Variants in SLC14A2 observed in about 807,000 individuals in gnomAD.
SLC14A2 encodes the protein solute carrier family 14 member 2.
A neutral mutation model predicts 104.6 loss-of-function variants in SLC14A2; 91 were observed. The observed-to-expected ratio is 0.87, with a 90% CI of 0.73 to 1.04. The LOEUF is 1.04. Among genes scored for constraint, SLC14A2 ranks in the 50% least tolerant of loss-of-function variants. The probability of loss-of-function intolerance (pLI) is 0.00; values close to 1 mark genes in which losing one functional copy is unlikely to be tolerated. For missense variants in SLC14A2, 1,189 were observed against 1,156.0 expected, an observed-to-expected ratio of 1.03 and a Z score of -0.41; for synonymous variants, 476 against 466.4, an observed-to-expected ratio of 1.02 and a Z score of -0.27.
At chr18:45,549,167 C>T (rs936799326) in intron 2 of SLC14A2, among the ~76,000 whole-genome samples, 9 of 152,232 alleles carry the variant, frequency 5.9e-5, no homozygotes, top group African/African-American at 2.2e-4. Context: ...CACAAGGGGC[C>T]TCACCATTCC....
chr18:45,590,003 T>C (rs2044625041), intron 2 of SLC14A2, among the ~76,000 whole-genome samples: 2 of 152,174 alleles, frequency 1.3e-5, no homozygotes, highest in Admixed American at 1.3e-4. Context: ...GTCGCCATCA[T>C]TCCTCTCCCA....
Position 45,258,307 on chromosome 18 carries a change from C to A in SLC14A2, c.-125+45116C>A, listed in dbSNP as rs2084501396. Reference sequence around the variant, plus strand: ...CATAGTGCCCAGGAGCCTACCATAACCCAGGAGCACAGATGCCCAGAAGTG... The same window carrying A: ...CATAGTGCCCAGGAGCCTACCATAAACCAGGAGCACAGATGCCCAGAAGTG... On this transcript the variant is annotated intron_variant, in intron 1 of 20. Coordinates refer to the SLC14A2 transcript ENST00000586448. Among the ~76,000 whole-genome samples the A allele has an allele frequency of 1.4e-5, 2 of 142,272 alleles. 1 individual carries two copies. Among genetic ancestry groups the A allele is most frequent in the Non-Finnish European group, 3.1e-5 (2 of 65,532 alleles). The allele number at this position is 142,272 out of a possible 152,430, so 93.3% of individuals were successfully genotyped here. A position where few individuals can be genotyped will look rare whatever the true frequency, so the allele number is the denominator to read the frequency against.
At chr18:45,404,786 C>T (rs2086135344) in intron 1 of SLC14A2, among the ~76,000 whole-genome samples, 1 of 152,188 alleles carries the variant, frequency 6.6e-6, no homozygotes, top group African/African-American at 2.4e-5. Flanking sequence ...TATGCTTTAA[C>T]CAGTCTTCTG....
intron 1 of SLC14A2, among the ~76,000 whole-genome samples, chr18:45,446,088 G>T (rs1369668156): frequency 1.3e-5 from 2 of 152,182 alleles, no homozygotes; most frequent in African/African-American, 4.8e-5. Context: ...TTTACCTCTT[G>T]CTGTCACCAT....
intron 1 of SLC14A2, among the ~76,000 whole-genome samples, chr18:45,221,249 C>T (rs2084059258): frequency 6.6e-6 from 1 of 152,200 alleles, no homozygotes; most frequent in Admixed American, 6.5e-5. Context: ...TGTCTTTGCT[C>T]TTGTCTTTCA....
chr18:45,477,382 A>G (rs900293983), intron 1 of SLC14A2, among the ~76,000 whole-genome samples: 3 of 152,134 alleles, frequency 2.0e-5, no homozygotes, highest in Non-Finnish European at 4.4e-5. Flanking sequence ...TACCCACAAG[A>G]TGCCAGCCGG....
intron 1 of SLC14A2, among the ~76,000 whole-genome samples, chr18:45,317,280 G>A (rs112879433): frequency 4.6e-5 from 7 of 152,258 alleles, no homozygotes; most frequent in African/African-American, 1.4e-4. Flanking sequence ...GTGCACACAC[G>A]CACATTATAT....
At chr18:45,626,305 CTTTCCT>C (rs2045256536) in intron 3 of SLC14A2, among the ~76,000 whole-genome samples, 1 of 152,138 alleles carries the variant, frequency 6.6e-6, no homozygotes, top group Non-Finnish European at 1.5e-5. Context: ...CTTCAGGATT[CTTTCCT>C]TTTAACTTCT....
At chr18:45,460,024 A>G (rs1020737317) in intron 1 of SLC14A2, among the ~76,000 whole-genome samples, 6 of 152,170 alleles carry the variant, frequency 3.9e-5, no homozygotes, top group African/African-American at 1.4e-4. Context: ...GTCAGCACCC[A>G]ATATCCCGGA....
chr18:45,587,427 T>TA (rs2144376486), intron 2 of SLC14A2, among the ~76,000 whole-genome samples: 1 of 152,344 alleles, frequency 6.6e-6, no homozygotes, highest in South Asian at 2.1e-4. Flanking sequence ...GGCATATGGT[T>TA]AAAAAATATC....
At chr18:45,196,712 CT>C in the SLC14A2 span, among the ~76,000 whole-genome samples, 9 of 152,296 alleles carry the variant, frequency 5.9e-5, no homozygotes, top group Admixed American at 4.6e-4. Flanking sequence ...TGTGTCTTCC[CT>C]CAACAGCAAT....
chr18:45,665,688 C>CTTTCTTTTTTT (rs371437384), intron 11 of SLC14A2, among the ~76,000 whole-genome samples: 1 of 79,294 alleles, frequency 1.3e-5, no homozygotes, highest in African/African-American at 5.5e-5. Context: ...AACCAAGTTT[C>CTTTCTTTTTTT]TTTTTTTTTT....
intron 1 of SLC14A2, among the ~76,000 whole-genome samples, chr18:45,357,236 A>AG (rs1772889150): frequency 8.3e-6 from 1 of 119,946 alleles, no homozygotes; most frequent in East Asian, 2.0e-4. Flanking sequence ...CTTGGGACAC[A>AG]ATTTTTTTTT....
intron 1 of SLC14A2, among the ~76,000 whole-genome samples, chr18:45,397,858 T>C (rs1006979429): frequency 6.6e-6 from 1 of 152,126 alleles, no homozygotes; most frequent in African/African-American, 2.4e-5. Flanking sequence ...CGAGAAAATT[T>C]AATAAATTAT....
intron 1 of SLC14A2, among the ~76,000 whole-genome samples, chr18:45,296,913 A>T (rs957020857): frequency 3.3e-5 from 5 of 151,910 alleles, no homozygotes; most frequent in Non-Finnish European, 7.4e-5. Flanking sequence ...TGTTTCCTTT[A>T]TGCCTCTTTG....
chr18:45,351,979 G>A (rs1340266902), intron 1 of SLC14A2, among the ~76,000 whole-genome samples: 1 of 152,160 alleles, frequency 6.6e-6, no homozygotes, highest in African/African-American at 2.4e-5. Context: ...CAGATATTAG[G>A]TCAATGTAAA....
chr18:45,412,207 A>G (rs1598772722), intron 1 of SLC14A2, among the ~76,000 whole-genome samples: 1 of 152,336 alleles, frequency 6.6e-6, no homozygotes, highest in African/African-American at 2.4e-5. Flanking sequence ...ATGGGGTGAC[A>G]GCTTTGCTGG....
chr18:45,354,665 T>G (rs1479207115), intron 1 of SLC14A2, among the ~76,000 whole-genome samples: 1 of 152,210 alleles, frequency 6.6e-6, no homozygotes, highest in African/African-American at 2.4e-5. Context: ...GCAAAGCCAC[T>G]GCTCTGGTAA....
chr18:45,569,164 C>T (rs1328640064), intron 2 of SLC14A2, among the ~76,000 whole-genome samples: 1 of 152,148 alleles, frequency 6.6e-6, no homozygotes, highest in Non-Finnish European at 1.5e-5. Flanking sequence ...GTCCTTATCC[C>T]AACTGCTTCT....
Sources: gnomAD v4.1 joint callset for allele counts (sites outside exome capture counted in the v4.1 genomes callset) on GRCh38, gnomAD v4.1.1 for gene constraint, MANE v1.5 for transcripts, NCBI Gene and HGNC (gene_info 2026-07-23, HGNC 2026-07-21) for gene names.